GTPBP10: variants seen among roughly 807,000 people sequenced by gnomAD.
The protein encoded by GTPBP10 is GTP-binding protein 10.
Under a neutral mutation model 44.8 loss-of-function variants are expected in GTPBP10, and 38 were observed. The observed-to-expected ratio is 0.85, with a 90% CI of 0.65 to 1.11. The LOEUF (loss-of-function observed/expected upper bound fraction) is 1.11. GTPBP10 is among the 50% of genes most tolerant of loss of function. GTPBP10 has a pLI of 0.00. For synonymous variants in GTPBP10, 152 were observed against 150.6 expected (o/e 1.01, Z -0.07); for missense variants, 462 against 453.7 (o/e 1.02, Z -0.17).
At chr7:90,349,919 T>C (rs987978495) in intron 1 of GTPBP10, among the ~76,000 whole-genome samples, 1 of 151,770 alleles carries the variant, frequency 6.6e-6, no homozygotes, top group Non-Finnish European at 1.5e-5. Context: ...ACCTATTTCT[T>C]CTTTTTTTTT....
rs1796592966 is a variant in GTPBP10 at position 90,390,256 on chromosome 7, A to C, written c.*5102A>C. Reference sequence around the variant, plus strand: ...GGAAGAAGAAAAAAATGGATGTTGGAAAGTTGTTGCATGTCTCTCTGGATA... The same window carrying C: ...GGAAGAAGAAAAAAATGGATGTTGGCAAGTTGTTGCATGTCTCTCTGGATA... On this transcript the variant is annotated 3_prime_UTR_variant, in exon 10 of 10. Coordinates refer to ENST00000222511, the MANE Select transcript of GTPBP10 (RefSeq NM_033107.4). The C allele has an allele frequency of 6.6e-6, 1 of 152,186 alleles. No individual in the cohort carries two copies. Among genetic ancestry groups the C allele is most frequent in the Non-Finnish European group, 1.5e-5 (1 of 68,036 alleles). 9.4% of individuals were successfully genotyped at this position (152,186 alleles called of 1,614,324 possible).
chr7:90,358,691 A>G (rs1285803509), intron 4 of GTPBP10, among the ~76,000 whole-genome samples: 1 of 152,214 alleles, frequency 6.6e-6, no homozygotes, highest in Non-Finnish European at 1.5e-5. Flanking sequence ...CCTTCTGGAC[A>G]TTGGCCTAGA....
chr7:90,373,863 C>T (rs1796301468), intron 5 of GTPBP10, among the ~76,000 whole-genome samples: 1 of 152,134 alleles, frequency 6.6e-6, no homozygotes, highest in Admixed American at 6.5e-5. Flanking sequence ...ATTTTAGAGA[C>T]AGGGTCTAGC....
rs1199928122 is a variant in GTPBP10 at position 90,386,315 on chromosome 7, CA to C, written c.*1162del. The C allele has an allele frequency of 6.6e-6, 1 of 152,126 alleles. No homozygotes were observed. Among genetic ancestry groups the C allele is most frequent in the Non-Finnish European group, 1.5e-5 (1 of 68,020 alleles). The allele number at this position is 152,126 out of a possible 1,614,324, so 9.4% of individuals were successfully genotyped here. A position where few individuals can be genotyped will look rare whatever the true frequency, so the allele number is the denominator to read the frequency against. On this transcript the variant is annotated 3_prime_UTR_variant, in exon 10 of 10. Transcript: ENST00000222511. Reference sequence around the variant, plus strand: ...GACCTTAAAACCCTAAATTTGAATACATGTTCAATGATAGTAAAGATATGAC... The same window carrying C: ...GACCTTAAAACCCTAAATTTGAATACTGTTCAATGATAGTAAAGATATGAC...
At chr7:90,367,088 T>A (rs1562957621) in intron 4 of GTPBP10, among the ~76,000 whole-genome samples, 1 of 152,200 alleles carries the variant, frequency 6.6e-6, no homozygotes, top group African/African-American at 2.4e-5. Flanking sequence ...TCCATGTAGT[T>A]GTGTGGTTTT....
At chr7:90,350,939 T>C (rs141450475) in intron 1 of GTPBP10, among the ~76,000 whole-genome samples, 1,528 of 152,280 alleles carry the variant, frequency 0.01, 7 homozygotes, top group Non-Finnish European at 0.016. Context: ...CATGGTGGTG[T>C]TCAAGGTTTA....
intron 6 of GTPBP10, 24 bp downstream of exon 6, chr7:90,374,378 C>T: frequency 6.8e-7 from 1 of 1,473,088 alleles, no homozygotes. Flanking sequence ...AAGTAAAACA[C>T]TATATTAGAA....
intron 8 of GTPBP10, among the ~76,000 whole-genome samples, chr7:90,379,368 G>A (rs1468352053): frequency 6.6e-6 from 1 of 152,138 alleles, no homozygotes; most frequent in Non-Finnish European, 1.5e-5. Flanking sequence ...GCACCAAGCT[G>A]ATGCTGATGT....
intron 1 of GTPBP10, among the ~76,000 whole-genome samples, chr7:90,349,184 A>C (rs1248109927): frequency 6.6e-6 from 1 of 152,174 alleles, no homozygotes; most frequent in Admixed American, 6.5e-5. Context: ...TATGGCTTTC[A>C]TGGCTTTTTC....
At chr7:90,361,621 G>A (rs1025448031) in intron 4 of GTPBP10, among the ~76,000 whole-genome samples, 3 of 152,174 alleles carry the variant, frequency 2.0e-5, no homozygotes, top group African/African-American at 7.2e-5. Flanking sequence ...ACAGGCTCTG[G>A]TATCAGGATG....
intron 1 of GTPBP10, 27 bp from the exon 2 acceptor site, chr7:90,352,789 A>AAATATT (rs1795815572): frequency 1.3e-6 from 2 of 1,554,752 alleles, no homozygotes; most frequent in East Asian, 4.5e-5. Flanking sequence ...TTTGGTATAC[A>AAATATT]AATATTCTTT....
chr7:90,368,186 G>A (rs1040562120), intron 4 of GTPBP10, among the ~76,000 whole-genome samples: 10 of 152,118 alleles, frequency 6.6e-5, no homozygotes, highest in South Asian at 2.1e-4. Flanking sequence ...GTGGGTAACC[G>A]TACCTTTCTC....
At chr7:90,351,550 TG>T (rs1469873523) in intron 1 of GTPBP10, among the ~76,000 whole-genome samples, 1 of 152,266 alleles carries the variant, frequency 6.6e-6, no homozygotes, top group African/African-American at 2.4e-5. Flanking sequence ...CTATTTGCTT[TG>T]TAAGTTTTTT....
chr7:90,346,860 C>T (rs1019832068), intron 1 of GTPBP10, 86 bp downstream of exon 1: 77 of 1,439,122 alleles, frequency 5.4e-5, no homozygotes, highest in Non-Finnish European at 7.2e-5. Flanking sequence ...CTACTGTCTT[C>T]GTGGCGGCCT....
chr7:90,361,020 CT>C (rs1445502740), intron 4 of GTPBP10, among the ~76,000 whole-genome samples: 1 of 151,880 alleles, frequency 6.6e-6, no homozygotes, highest in Non-Finnish European at 1.5e-5. Flanking sequence ...TGCTTATCAG[CT>C]TGAGATTCTG....
chr7:90,368,609 A>G (rs1017333574), intron 4 of GTPBP10, among the ~76,000 whole-genome samples: 3 of 152,110 alleles, frequency 2.0e-5, no homozygotes, highest in African/African-American at 4.8e-5. Flanking sequence ...TGCGTGCGTC[A>G]CGAAGTTCTC....
At position 90,352,969 on chromosome 7, in the gene GTPBP10, C is replaced by G. The variant is rs1562953318; in HGVS notation, c.187C>G (p.Pro63Ala). Residue 63 changes from proline to alanine, a missense_variant, in exon 2 of 10, where the codon CCT becomes GCT. Transcript: ENST00000222511. ...MTLKQLKDRY[P>A]RKRFVAGVGA... ...TTTAAAACAACTTAAAGACAGGTATCCTCGGAAACGGTTTGTGGCTGGAGT... is the reference window on the plus strand; with the variant it reads ...TTTAAAACAACTTAAAGACAGGTATGCTCGGAAACGGTTTGTGGCTGGAGT... The G allele has an allele frequency of 6.2e-7, 1 of 1,611,910 alleles. No individual in the cohort carries two copies. The highest frequency in any genetic ancestry group is 8.5e-7 in the Non-Finnish European group (1 of 1,178,886).
intron 4 of GTPBP10, among the ~76,000 whole-genome samples, chr7:90,360,142 A>C (rs370287796): frequency 2.6e-5 from 4 of 151,880 alleles, no homozygotes; most frequent in East Asian, 3.9e-4. Context: ...TCTTTAGTTT[A>C]ATTAGATCCC....
At chr7:90,369,045 G>A (rs1466867833) in intron 4 of GTPBP10, among the ~76,000 whole-genome samples, 5 of 152,128 alleles carry the variant, frequency 3.3e-5, no homozygotes, top group South Asian at 2.1e-4. Flanking sequence ...TCTAACAGTC[G>A]GGCTTCTTCG....
Sources: gnomAD v4.1 joint callset for allele counts (sites outside exome capture counted in the v4.1 genomes callset) on GRCh38, gnomAD v4.1.1 for gene constraint, MANE v1.5 for transcripts, NCBI Gene and HGNC (gene_info 2026-07-23, HGNC 2026-07-21) for gene names.